TRIM28: variants seen among roughly 807,000 people sequenced by gnomAD.
TRIM28 encodes the protein tripartite motif containing 28.
Under a neutral mutation model 87.4 loss-of-function variants are expected in TRIM28, and 8 were observed. The observed-to-expected ratio is 0.09, with a 90% CI of 0.05 to 0.17. The LOEUF (loss-of-function observed/expected upper bound fraction) is 0.17. Among genes scored for constraint, TRIM28 ranks in the 10% least tolerant of loss-of-function variants. The pLI, the probability that TRIM28 is intolerant of heterozygous loss-of-function variation, is 1.00. For missense variants in TRIM28, 968 were observed against 1,131.8 expected (o/e 0.86, Z 2.08); for synonymous variants, 601 against 454.3 (o/e 1.32, Z -4.11).
At chr19:58,547,234 T>C in intron 3 of TRIM28, 142 bp from the exon 4 acceptor site, 4 of 1,088,844 alleles carry the variant, frequency 3.7e-6, no homozygotes, top group Non-Finnish European at 5.2e-6. Context: ...GCCTGTGTTC[T>C]TCCCTGGCCA....
rs371739377 is a variant in TRIM28, at chr19:58,549,351, C to G, written c.1683C>G (p.Ala561=). ...AIVKEEETEA[A]IGAPPTATEG... ...TGCAGGAGGAGGAGACGGAGGCTGC[C>G]ATTGGAGCCCCTCCTACTGCCACTG... The change falls in exon 13 of 17, where the codon GCC becomes GCG. Residue 561 remains alanine (A), a synonymous_variant. Transcript: ENST00000253024. This position sits in a 1 kb window ranked among gnomAD's most constrained non-coding sequence, Gnocchi z 4.4. 10 of 1,566,544 alleles carry G rather than the reference C, an allele frequency of 6.4e-6. No homozygotes were observed. In the East Asian group the frequency reaches 2.3e-4, roughly 35 times the overall value.
chr19:58,545,922 G>A (rs764047066), intron 3 of TRIM28, 26 bp downstream of exon 3: 6 of 1,574,780 alleles, frequency 3.8e-6, no homozygotes, highest in Admixed American at 3.4e-5. Flanking sequence ...GGGGGCTGTT[G>A]GAGTTGTTCT....
chr19:58,550,519 A>C lies in TRIM28; in HGVS notation c.2474A>C (p.Gln825Pro). 6.2e-7 allele frequency: 1 copy of C among 1,611,544 alleles called. No individual in the cohort carries two copies. Among genetic ancestry groups the C allele is most frequent in the East Asian group, 2.2e-5 (1 of 44,876 alleles). ...CTGCCTGGTGCTGGCCTGAGTTCCCAGGAGCTGTCTGGTGGCCCTGGTGAT... is the reference window on the plus strand; with the variant it reads ...CTGCCTGGTGCTGGCCTGAGTTCCCCGGAGCTGTCTGGTGGCCCTGGTGAT... Reference protein sequence around the residue: ...MSLPGAGLSSQELSGGPGDGP With the variant: ...MSLPGAGLSSPELSGGPGDGP Residue 825 changes from glutamine to proline, a missense_variant, in exon 17 of 17, where the codon CAG (glutamine) becomes CCG (proline). Transcript: ENST00000253024.
In TRIM28 at chr19:58,550,293, G is replaced by A. The variant is rs1391124651; in HGVS notation, c.2331+9G>A. The A allele has an allele frequency of 5.0e-6, 8 of 1,614,130 alleles. No individual in the cohort carries two copies. Among genetic ancestry groups the A allele is most frequent in the Non-Finnish European group, 5.9e-6 (7 of 1,179,976 alleles). On this transcript the variant is annotated intron_variant, in intron 16 of 16. Transcript: ENST00000253024. ...TCAACAAGTTAACTGAGGTGAGCCA[G>A]TGGAATGGAGAGGCTGTGGGCAGGG...
At position 58,550,182 on chromosome 19, in the gene TRIM28, C is replaced by G; in HGVS notation, c.2229C>G (p.Ile743Met). The G allele has an allele frequency of 6.2e-7, 1 of 1,614,026 alleles. No individual in the cohort carries two copies. Residue 743 changes from isoleucine to methionine, a missense_variant, in exon 16 of 17, where the codon ATC becomes ATG. By Grantham distance (10) the Ile-to-Met change is conservative. Around this residue, in one of 11 missense-constraint regions of TRIM28, gnomAD observed 192 missense variants for 225.6 expected, o/e 0.85. Transcript: ENST00000253024. ...QPGGTLDLTL[I>M]RARLQEKLSP... ...GTGGCACCCTGGATCTGACCCTGAT[C>G]CGTGCCCGCCTCCAGGAGAAGTTGT...
rs1304781697 is a variant in TRIM28, at chr19:58,544,422, CCA to C, written c.-335_-334del. The C allele has an allele frequency of 6.6e-6, 1 of 152,164 alleles. No homozygotes were observed. The highest frequency in any genetic ancestry group is 1.5e-5 in the Non-Finnish European group (1 of 68,102). 9.4% of individuals were successfully genotyped at this position (152,164 alleles called of 1,614,324 possible). On this transcript the variant is annotated 5_prime_UTR_variant, in exon 1 of 17. It removes the in-frame stop codon of an upstream open reading frame in the 5' UTR. Transcript: ENST00000253024. ...ATGCGCGTGCGCGGCGGCGTCGGCG[CCA>C]GTTATTTCTGTCCCGCCCCCCGGCC...
In TRIM28 at chr19:58,547,878, G is replaced by A. The variant is rs1344900220; in HGVS notation, c.926G>A (p.Arg309Gln). The change falls in exon 6 of 17, where the codon CGG becomes CAG. Residue 309 changes from arginine to glutamine, a missense_variant. Arg to Gln is a conservative substitution (Grantham distance 43, BLOSUM62 1). Transcript: ENST00000253024. ...ILQIMKELNK[R>Q]GRVLVNDAQK... is the part of the protein sequence containing the mutation. ...CAGATCATGAAGGAGCTGAATAAGC[G>A]GGGCCGTGTGCTGGTCAATGATGCC... 1 of 1,614,038 alleles carries A rather than the reference G, an allele frequency of 6.2e-7. No individual in the cohort carries two copies. The highest frequency in any genetic ancestry group is 8.5e-7 in the Non-Finnish European group (1 of 1,180,034).
At chr19:58,546,584 C>T (rs554254216) in intron 3 of TRIM28, among the ~76,000 whole-genome samples, 8 of 152,248 alleles carry the variant, frequency 5.3e-5, no homozygotes, top group South Asian at 2.1e-4. Context: ...AGGAGGGATA[C>T]GCAGGGGCTG....
chr19:58,547,081 G>A (rs2053767531), intron 3 of TRIM28: 1 of 338,642 alleles, frequency 3.0e-6, no homozygotes, highest in Non-Finnish European at 5.4e-6. Flanking sequence ...GGGGGTGGGG[G>A]GTGGGGTGGG....
Position 58,549,159 on chromosome 19 carries a change from C to T in TRIM28, c.1581C>T (p.Ala527=), listed in dbSNP as rs143891026. 1,195 of 1,614,074 alleles carry T rather than the reference C, an allele frequency of 7.4e-4. 1 individual carries two copies. Among genetic ancestry groups the T allele is most frequent in the Non-Finnish European group, 7.3e-4 (861 of 1,179,986 alleles). The part of the protein sequence containing the change: ...YNLIVIERGA[A]AAATGQPGTA... ...TTATTGTTATTGAACGTGGCGCTGC[C>T]GCTGCAGCTACCGGCCAGCCAGGGA... Residue 527 remains alanine (A), a synonymous_variant, in exon 12 of 17, where the codon GCC becomes GCT. Coordinates refer to ENST00000253024, the MANE Select transcript of TRIM28 (RefSeq NM_005762.3). The surrounding 1 kb of genome is among the most constrained non-coding windows in gnomAD (Gnocchi z 4.4).
Position 58,548,298 on chromosome 19 carries a change from A to T in TRIM28, c.1106A>T (p.Tyr369Phe). 1.9e-6 allele frequency: 3 copies of T among 1,614,018 alleles called. No homozygotes were observed. The highest frequency in any genetic ancestry group is 2.5e-6 in the Non-Finnish European group (3 of 1,179,992). ...CTCCCTTTCACTCCCAACCAGATCT[A>T]CTTCCAGCTGCACCGGGCCCTCAAG... ...TALLLSKKLI[Y>F]FQLHRALKMI... The change falls in exon 8 of 17, where the codon TAC (tyrosine) becomes TTC (phenylalanine). Residue 369 changes from tyrosine (Y) to phenylalanine (F), a missense_variant. Coordinates refer to ENST00000253024, the MANE Select transcript of TRIM28 (RefSeq NM_005762.3).
In TRIM28 at chr19:58,548,758, G is replaced by A; in HGVS notation, c.1342G>A (p.Gly448Ser). ...TTCACAGCCCATGGAGGTGCAGGAA[G>A]GCTATGGCTTTGGGTCAGGTGAGTG... ...GSSQPMEVQE[G>S]YGFGSGDDPY... Residue 448 changes from glycine to serine, a missense_variant, in exon 10 of 17, where the codon GGC (glycine) becomes AGC (serine). Transcript: ENST00000253024. 1 of 1,614,102 alleles carries A rather than the reference G, an allele frequency of 6.2e-7. No homozygotes were observed. Among genetic ancestry groups the A allele is most frequent in the Non-Finnish European group, 8.5e-7 (1 of 1,180,006 alleles).
chr19:58,546,289 G>C (rs1417591142), intron 3 of TRIM28, among the ~76,000 whole-genome samples: 1 of 151,956 alleles, frequency 6.6e-6, no homozygotes, highest in African/African-American at 2.4e-5. Context: ...AGGGAAAGTA[G>C]ACTGTGGGTC....
In TRIM28 at chr19:58,550,593, T is replaced by C. The variant is rs2053809077; in HGVS notation, c.*40T>C. On this transcript the variant is annotated 3_prime_UTR_variant, in exon 17 of 17. Transcript: ENST00000253024. ...TGGCCAGCCCAGCCTGGCTCTGTTC[T>C]CTGTCCTGTCACCCCATCCCCACTC... 1 of 1,577,340 alleles carries C rather than the reference T, an allele frequency of 6.3e-7. No homozygotes were observed.
At position 58,549,801 on chromosome 19, in the gene TRIM28, A is replaced by G. The variant is rs1413001788; in HGVS notation, c.2047A>G (p.Ser683Gly). ...CCTGAAGGAGGAGGATGGCAGCCTC[A>G]GCCTGGATGGTGCAGACAGCACTGG... Reference protein sequence around the residue: ...PDLKEEDGSLSLDGADSTGVV... With the variant: ...PDLKEEDGSLGLDGADSTGVV... The change falls in exon 14 of 17, where the codon AGC becomes GGC. Residue 683 changes from serine (S) to glycine (G), a missense_variant. Ser to Gly is a moderately conservative substitution (Grantham distance 56, BLOSUM62 0). Around this residue, in one of 11 missense-constraint regions of TRIM28, gnomAD observed 192 missense variants for 225.6 expected, o/e 0.85. Coordinates refer to ENST00000253024, the MANE Select transcript of TRIM28 (RefSeq NM_005762.3). The surrounding 1 kb of genome is among the most constrained non-coding windows in gnomAD (Gnocchi z 4.4). 3 of 1,612,788 alleles carry G rather than the reference A, an allele frequency of 1.9e-6. No individual in the cohort carries two copies. Among genetic ancestry groups the G allele is most frequent in the Non-Finnish European group, 2.5e-6 (3 of 1,178,946 alleles).
rs1029642523 is a variant in TRIM28 at position 58,548,290 on chromosome 19, C to T, written c.1102-4C>T. On this transcript the variant is annotated splice_polypyrimidine_tract_variant and splice_region_variant and intron_variant, in intron 7 of 16. Transcript: ENST00000253024. ...ATTCTTTCCTCCCTTTCACTCCCAA[C>T]CAGATCTACTTCCAGCTGCACCGGG... The T allele has an allele frequency of 6.2e-7, 1 of 1,614,132 alleles. No individual in the cohort carries two copies. The highest frequency in any genetic ancestry group is 1.3e-5 in the African/African-American group (1 of 75,028).
rs1257143746 is a variant in TRIM28 at position 58,547,478 on chromosome 19, G to A, written c.689G>A (p.Arg230Gln). 6.2e-7 allele frequency: 1 copy of A among 1,613,886 alleles called. No homozygotes were observed. The highest frequency in any genetic ancestry group is 8.5e-7 in the Non-Finnish European group (1 of 1,180,008). ...GAGAGCTGTGATACTCTCACCTGCC[G>A]AGACTGCCAGCTCAATGCCCACAAG... is the stretch of plus-strand genomic sequence containing the variant. ...FCESCDTLTC[R>Q]DCQLNAHKDH... Residue 230 changes from arginine to glutamine, a missense_variant, in exon 4 of 17, where the codon CGA (arginine) becomes CAA (glutamine). By Grantham distance (43) the Arg-to-Gln change is conservative. Transcript: ENST00000253024.
chr19:58,548,919 G>T lies in TRIM28; in HGVS notation c.1409+9G>T, dbSNP rs1568661957. 1 of 1,614,096 alleles carries T rather than the reference G, an allele frequency of 6.2e-7. No individual in the cohort carries two copies. The highest frequency in any genetic ancestry group is 8.5e-7 in the Non-Finnish European group (1 of 1,179,996). On this transcript the variant is annotated intron_variant, in intron 11 of 16. Coordinates refer to ENST00000253024, the MANE Select transcript of TRIM28 (RefSeq NM_005762.3). Reference sequence around the variant, plus strand: ...GTGTCAGGTGTGAAACGGTAAGTATGGCACCTCCCCTGGGGGTGAGGTGGA... The same window carrying T: ...GTGTCAGGTGTGAAACGGTAAGTATTGCACCTCCCCTGGGGGTGAGGTGGA...
Position 58,544,720 on chromosome 19 carries a change from C to T in TRIM28, c.-38C>T. 1.0e-6 allele frequency: 1 copy of T among 966,124 alleles called. No individual in the cohort carries two copies. The highest frequency in any genetic ancestry group is 4.7e-5 in the South Asian group (1 of 21,422). 59.8% of individuals were successfully genotyped at this position (966,124 alleles called of 1,614,324 possible). A position where few individuals can be genotyped will look rare whatever the true frequency, so the allele number is the denominator to read the frequency against. ...CTGCGCCTGCGCGGCGGGCCCCGCGCCCCTCCTCCCCCCCTGGGCGCCCCC... is the reference window on the plus strand; with the variant it reads ...CTGCGCCTGCGCGGCGGGCCCCGCGTCCCTCCTCCCCCCCTGGGCGCCCCC... On this transcript the variant is annotated 5_prime_UTR_variant, in exon 1 of 17. Transcript: ENST00000253024.
Sources: gnomAD v4.1 joint callset for allele counts (sites outside exome capture counted in the v4.1 genomes callset) on GRCh38, gnomAD v4.1.1 for gene constraint, gnomAD v4.1.1 regional missense constraint, Gnocchi (gnomAD v3.1) non-coding constraint, MANE v1.5 for transcripts, NCBI Gene and HGNC (gene_info 2026-07-23, HGNC 2026-07-21) for gene names.